The following AGBL4 variants were observed in gnomAD, a reference collection of about 807,000 sequenced individuals.
AGBL4 encodes the protein cytosolic carboxypeptidase 6.
Under a neutral mutation model 66.4 loss-of-function variants are expected in AGBL4, and 58 were observed. That is an observed-to-expected ratio of 0.87 (90% CI 0.71 to 1.09). The LOEUF is 1.09. AGBL4 is among the 50% of genes least tolerant of loss of function. AGBL4 has a pLI of 0.00. For synonymous variants in AGBL4, 234 were observed against 222.9 expected, an observed-to-expected ratio of 1.05 and a Z score of -0.44; for missense variants, 579 against 631.0, an observed-to-expected ratio of 0.92 and a Z score of 0.88.
At chr1:48,797,707 CA>C (rs1645721627) in intron 6 of AGBL4, among the ~76,000 whole-genome samples, 1 of 152,082 alleles carries the variant, frequency 6.6e-6, no homozygotes, top group Non-Finnish European at 1.5e-5. Context: ...AAGCAATTTC[CA>C]GCTAATTTTT....
At chr1:49,739,595 C>T (rs1650239136) in intron 2 of AGBL4, among the ~76,000 whole-genome samples, 1 of 152,120 alleles carries the variant, frequency 6.6e-6, no homozygotes, top group South Asian at 2.1e-4. Context: ...CTCCAAGACA[C>T]ATACTTGTCA....
At chr1:48,730,050 C>G (rs1647849865) in intron 6 of AGBL4, among the ~76,000 whole-genome samples, 1 of 152,188 alleles carries the variant, frequency 6.6e-6, no homozygotes. Context: ...CTTCCAGATT[C>G]AGCTTTCTTG....
intron 2 of AGBL4, among the ~76,000 whole-genome samples, chr1:49,765,550 C>G (rs1464726642): frequency 1.3e-5 from 2 of 152,064 alleles, no homozygotes; most frequent in Non-Finnish European, 2.9e-5. Context: ...AATCTCAATG[C>G]TGTGACACCA....
intron 4 of AGBL4, among the ~76,000 whole-genome samples, chr1:49,186,460 T>C (rs1647018603): frequency 6.6e-6 from 1 of 152,182 alleles, no homozygotes; most frequent in Non-Finnish European, 1.5e-5. Flanking sequence ...TTTGTGGTCC[T>C]TGGGAAACTC....
chr1:49,811,080 A>G (rs1236617115), intron 2 of AGBL4, among the ~76,000 whole-genome samples: 4 of 152,222 alleles, frequency 2.6e-5, no homozygotes, highest in Non-Finnish European at 4.4e-5. Flanking sequence ...GGACCTAGAT[A>G]TCTATCCGAA....
chr1:49,438,108 A>C (rs1461821716), intron 3 of AGBL4, among the ~76,000 whole-genome samples: 1 of 152,154 alleles, frequency 6.6e-6, no homozygotes, highest in Non-Finnish European at 1.5e-5. Context: ...TCCATTTTAC[A>C]TGTGAGGAAA....
intron 5 of AGBL4, among the ~76,000 whole-genome samples, chr1:48,895,050 C>T (rs766287457): frequency 1.8e-4 from 27 of 152,290 alleles, no homozygotes; most frequent in Non-Finnish European, 2.6e-4. Flanking sequence ...GGGCAGTTAA[C>T]GCTGCTAAGG....
At chr1:49,769,091 C>A (rs1423843725) in intron 2 of AGBL4, among the ~76,000 whole-genome samples, 3 of 152,090 alleles carry the variant, frequency 2.0e-5, no homozygotes, top group South Asian at 2.1e-4. Context: ...TCGTGATCTG[C>A]CCACCTCGGC....
chr1:49,263,090 A>C (rs12753642), intron 3 of AGBL4, among the ~76,000 whole-genome samples: 5 of 149,228 alleles, frequency 3.4e-5, no homozygotes, highest in African/African-American at 1.2e-4. Flanking sequence ...TCACTCATAG[A>C]TGGGAATTGA....
chr1:48,931,231 A>G (rs1277829635), intron 5 of AGBL4, among the ~76,000 whole-genome samples: 1 of 152,212 alleles, frequency 6.6e-6, no homozygotes, highest in Non-Finnish European at 1.5e-5. Flanking sequence ...AATCTCTAAT[A>G]CTAAAGCATG....
At chr1:48,603,812 A>G (rs1351671013) in intron 9 of AGBL4, among the ~76,000 whole-genome samples, 3 of 152,108 alleles carry the variant, frequency 2.0e-5, no homozygotes, top group Non-Finnish European at 4.4e-5. Flanking sequence ...AATTAAAGCA[A>G]GGGCTAGCTA....
chr1:49,888,800 G>C (rs1382200900), intron 1 of AGBL4, among the ~76,000 whole-genome samples: 3 of 152,094 alleles, frequency 2.0e-5, no homozygotes, highest in Non-Finnish European at 2.9e-5. Context: ...CAATATTTGG[G>C]TTTTCTGTAA....
At chr1:49,962,150 C>T (rs1375797630) in intron 1 of AGBL4, among the ~76,000 whole-genome samples, 1 of 152,096 alleles carries the variant, frequency 6.6e-6, no homozygotes, top group Non-Finnish European at 1.5e-5. Context: ...TTATATAATG[C>T]AGAAAAGACT....
chr1:48,745,556 A>G (rs1393189420), intron 6 of AGBL4, among the ~76,000 whole-genome samples: 1 of 151,996 alleles, frequency 6.6e-6, no homozygotes, highest in Non-Finnish European at 1.5e-5. Flanking sequence ...CTCCACACAT[A>G]CACCATTCTT....
At chr1:49,363,584 C>A (rs1421803996) in intron 3 of AGBL4, among the ~76,000 whole-genome samples, 1 of 152,094 alleles carries the variant, frequency 6.6e-6, no homozygotes, top group African/African-American at 2.4e-5. Context: ...TAGAAGATTG[C>A]CACTAGGGGG....
chr1:49,928,043 CAAAA>C (rs1207496653), intron 1 of AGBL4, among the ~76,000 whole-genome samples: 1 of 151,352 alleles, frequency 6.6e-6, no homozygotes, highest in Non-Finnish European at 1.5e-5. Flanking sequence ...CTTTTAGAAA[CAAAA>C]ATATATAATT....
intron 3 of AGBL4, among the ~76,000 whole-genome samples, chr1:49,286,566 T>C (rs371559098): frequency 3.3e-5 from 5 of 151,854 alleles, no homozygotes; most frequent in South Asian, 2.1e-4. Flanking sequence ...TATACACCAA[T>C]AACAGACAAA....
chr1:49,550,433 G>A (rs1190983032), intron 3 of AGBL4, among the ~76,000 whole-genome samples: 1 of 152,170 alleles, frequency 6.6e-6, no homozygotes, highest in African/African-American at 2.4e-5. Context: ...CTGTTTTGAT[G>A]TGTTTCTAGG....
At chr1:48,955,751 A>G (rs1001486422) in intron 5 of AGBL4, among the ~76,000 whole-genome samples, 2 of 152,174 alleles carry the variant, frequency 1.3e-5, no homozygotes, top group Non-Finnish European at 2.9e-5. Context: ...CCAGATTTAA[A>G]TTTCGGATTT....
Sources: allele counts gnomAD v4.1 joint callset (sites outside exome capture counted in the v4.1 genomes callset), GRCh38; gene constraint gnomAD v4.1.1; transcripts MANE v1.5; gene names NCBI Gene and HGNC (gene_info 2026-07-23, HGNC 2026-07-21).